The following TOM1 variants were observed in gnomAD, a reference collection of about 807,000 sequenced individuals.
The protein encoded by TOM1 is target of myb1 membrane trafficking protein.
A neutral mutation model predicts 61.3 loss-of-function variants in TOM1; 38 were observed. The ratio of observed to expected loss-of-function variants is 0.62; its 90% CI spans 0.48 to 0.81. The LOEUF (loss-of-function observed/expected upper bound fraction) is 0.81, where lower values mean the gene tolerates loss of function less well. TOM1 is among the 40% of genes least tolerant of loss of function. The pLI, the probability that TOM1 is intolerant of heterozygous loss-of-function variation, is 0.00. For missense variants in TOM1, 591 were observed against 659.6 expected (o/e 0.90, Z 1.14); for synonymous variants, 270 against 268.8 (o/e 1.00, Z -0.04).
At chr22:35,309,684 G>A (rs1383467080) in intron 1 of TOM1, among the ~76,000 whole-genome samples, 1 of 151,276 alleles carries the variant, frequency 6.6e-6, no homozygotes, top group Middle Eastern at 3.2e-3. Flanking sequence ...GAGACCTGCT[G>A]GGTTTCCCTT....
At chr22:35,324,404 A>G (rs1173645874) in intron 6 of TOM1, among the ~76,000 whole-genome samples, 1 of 123,102 alleles carries the variant, frequency 8.1e-6, no homozygotes, top group Admixed American at 9.5e-5. Flanking sequence ...ACATAGAGAG[A>G]CCTGTTTCAA....
chr22:35,337,722 CACTAG>C (rs1929498168), intron 11 of TOM1, among the ~76,000 whole-genome samples: 1 of 152,270 alleles, frequency 6.6e-6, no homozygotes, highest in Non-Finnish European at 1.5e-5. Context: ...AGCCCCGCTT[CACTAG>C]CGTGTCAGGT....
At chr22:35,322,982 C>T (rs1361868835) in intron 3 of TOM1, 46 bp from the exon 4 acceptor site, 1 of 1,605,186 alleles carries the variant, frequency 6.2e-7, no homozygotes, top group Non-Finnish European at 8.5e-7. Context: ...CTGAGCACCT[C>T]CTCTCCTCTG....
rs1284689925 is a variant in TOM1, at chr22:35,334,445, A to G, written c.1145A>G (p.Lys382Arg). 1 of 1,613,752 alleles carries G rather than the reference A, an allele frequency of 6.2e-7. No individual in the cohort carries two copies. The highest frequency in any genetic ancestry group is 2.2e-5 in the East Asian group (1 of 44,876). Residue 382 changes from lysine to arginine, a missense_variant, in exon 11 of 15, where the codon AAA (lysine) becomes AGA (arginine). By Grantham distance (26) the Lys-to-Arg change is conservative. Coordinates refer to ENST00000449058, the MANE Select transcript of TOM1 (RefSeq NM_005488.3). ...TRGSSLADQR[K>R]EVKYEAPQAT... is the part of the protein sequence containing the mutation. Reference sequence around the variant, plus strand: ...GGCAGCTCACTGGCTGACCAACGGAAAGAGTGAGTGGCCTGGCCCTGCCCT... The same window carrying G: ...GGCAGCTCACTGGCTGACCAACGGAGAGAGTGAGTGGCCTGGCCCTGCCCT...
In TOM1 at chr22:35,327,252, G is replaced by C; in HGVS notation, c.649-19G>C. On this transcript the variant is annotated intron_variant, in intron 6 of 14. Transcript: ENST00000449058. ...CCAGAACCCTGGCTTCTCTCACCACGATCAACTGTGTGTTTCAGATTGGGA... is the reference window on the plus strand; with the variant it reads ...CCAGAACCCTGGCTTCTCTCACCACCATCAACTGTGTGTTTCAGATTGGGA... 6.2e-7 allele frequency: 1 copy of C among 1,610,308 alleles called. No individual in the cohort carries two copies. The highest frequency in any genetic ancestry group is 2.2e-5 in the East Asian group (1 of 44,858).
chr22:35,323,929 G>A lies in TOM1; in HGVS notation c.648+15G>A. On this transcript the variant is annotated intron_variant, in intron 6 of 14. Coordinates refer to ENST00000449058, the MANE Select transcript of TOM1 (RefSeq NM_005488.3). The surrounding 1 kb of genome is among the most constrained non-coding windows in gnomAD (Gnocchi z 4.2). Reference sequence around the variant, plus strand: ...CCCCGGAACAGGTAAACGAGCCTGGGGTCAGAACCGTCAGGTCCAGGCAGG... The same window carrying A: ...CCCCGGAACAGGTAAACGAGCCTGGAGTCAGAACCGTCAGGTCCAGGCAGG... 1 of 1,537,398 alleles carries A rather than the reference G, an allele frequency of 6.5e-7. No homozygotes were observed. The highest frequency in any genetic ancestry group is 8.8e-7 in the Non-Finnish European group (1 of 1,139,758).
At chr22:35,346,478 G>C (rs1930510240) in intron 13 of TOM1, among the ~76,000 whole-genome samples, 1 of 152,206 alleles carries the variant, frequency 6.6e-6, no homozygotes, top group African/African-American at 2.4e-5. Flanking sequence ...CCCCTCCCTA[G>C]TTTGCAGTGT....
intron 7 of TOM1, among the ~76,000 whole-genome samples, chr22:35,328,059 G>A (rs950734258): frequency 9.2e-5 from 14 of 152,206 alleles, no homozygotes; most frequent in Non-Finnish European, 1.6e-4. Flanking sequence ...AGAGCGCTTC[G>A]TGTAACTGTT....
intron 13 of TOM1, 52 bp from the exon 14 acceptor site, chr22:35,346,878 A>AC: frequency 6.4e-7 from 1 of 1,560,962 alleles, no homozygotes; most frequent in Non-Finnish European, 8.8e-7. Flanking sequence ...CCCCAGGCTG[A>AC]CCGTACTGGG....
chr22:35,336,581 C>T (rs1237753856), intron 11 of TOM1: 1 of 152,356 alleles, frequency 6.6e-6, no homozygotes, highest in African/African-American at 2.4e-5. Context: ...CTCGGCTAGG[C>T]CTTCACAAAG....
intron 1 of TOM1, among the ~76,000 whole-genome samples, chr22:35,307,329 T>A (rs138766): frequency 1.3e-5 from 2 of 152,054 alleles, no homozygotes; most frequent in Admixed American, 6.5e-5. Flanking sequence ...GTTCGTGTTT[T>A]TTTCCTATCC....
intron 1 of TOM1, among the ~76,000 whole-genome samples, chr22:35,309,882 C>T (rs1028524813): frequency 5.9e-5 from 9 of 152,148 alleles, no homozygotes; most frequent in African/African-American, 1.4e-4. Context: ...CCCCAGGAGC[C>T]GCCCAAGAGA....
chr22:35,327,482 T>G (rs1002504085), intron 7 of TOM1, 95 bp downstream of exon 7: 5 of 834,546 alleles, frequency 6.0e-6, no homozygotes, highest in Non-Finnish European at 9.7e-6. Flanking sequence ...CTTCATGGCT[T>G]ACTCCATACT....
intron 1 of TOM1, among the ~76,000 whole-genome samples, chr22:35,307,322 C>T (rs145376314): frequency 5.3e-4 from 81 of 152,224 alleles, no homozygotes; most frequent in African/African-American, 1.8e-3. Context: ...CTTTGATGTT[C>T]GTGTTTTTTT....
Position 35,347,090 on chromosome 22 carries a change from G to C in TOM1, c.1360G>C (p.Ala454Pro). The C allele has an allele frequency of 6.2e-7, 1 of 1,610,338 alleles. No individual in the cohort carries two copies. Residue 454 changes from alanine (A) to proline (P), a missense_variant, in exon 15 of 15, where the codon GCG (alanine) becomes CCG (proline). Ala to Pro is a conservative substitution (Grantham distance 27). Transcript: ENST00000449058. The stretch of plus-strand genomic sequence containing the variant: ...ATTCCTGGAAGAACGGGCCAAAGCC[G>C]CGGACCGATTGCCCAACCTCTCCAG... The part of the protein sequence containing the change: ...DKFLEERAKA[A>P]DRLPNLSSPS...
intron 12 of TOM1, 84 bp downstream of exon 12, chr22:35,338,872 C>A: frequency 1.6e-6 from 2 of 1,289,468 alleles, no homozygotes; most frequent in Non-Finnish European, 2.1e-6. Flanking sequence ...CGTTGTGGGC[C>A]AAGCACTGGC....
chr22:35,338,316 C>A (rs1569037543), intron 11 of TOM1, among the ~76,000 whole-genome samples: 1 of 152,184 alleles, frequency 6.6e-6, no homozygotes, highest in Admixed American at 6.6e-5. Flanking sequence ...ATGGAATCCC[C>A]CATTCAAATA....
intron 12 of TOM1, among the ~76,000 whole-genome samples, chr22:35,343,599 T>TACACACACCAC (rs1477158496): frequency 4.8e-5 from 4 of 82,818 alleles, no homozygotes; most frequent in Non-Finnish European, 9.3e-5. Flanking sequence ...CACACACCCC[T>TACACACACCAC]ACACACACCA....
chr22:35,331,418 C>T (rs1263675644), intron 8 of TOM1: 3 of 427,356 alleles, frequency 7.0e-6, no homozygotes, highest in South Asian at 1.7e-5. Context: ...ACCTGCCCAC[C>T]TTGTATCATT....
Sources: allele counts gnomAD v4.1 joint callset (sites outside exome capture counted in the v4.1 genomes callset), GRCh38; gene constraint gnomAD v4.1.1; non-coding constraint Gnocchi (gnomAD v3.1); transcripts MANE v1.5; gene names NCBI Gene and HGNC (gene_info 2026-07-23, HGNC 2026-07-21).